The following SNX32 variants were observed in gnomAD, a reference collection of about 807,000 sequenced individuals.
SNX32 encodes the protein sorting nexin-32.
Under a neutral mutation model 57.0 loss-of-function variants are expected in SNX32, and 58 were observed. The ratio of observed to expected loss-of-function variants is 1.02; its 90% CI spans 0.82 to 1.27. The LOEUF (loss-of-function observed/expected upper bound fraction) is 1.27. Among genes scored for constraint, SNX32 ranks in the 50% most tolerant of loss-of-function variants. The probability of loss-of-function intolerance (pLI) is 0.00; values close to 1 mark genes in which losing one functional copy is unlikely to be tolerated. For missense variants in SNX32, 589 were observed against 541.2 expected (o/e 1.09, Z -0.88); for synonymous variants, 262 against 220.4 (o/e 1.19, Z -1.67).
At position 65,839,215 on chromosome 11, in the gene SNX32, A is replaced by ATTTTTTTTTTTTT. The variant is rs1555032605; in HGVS notation, c.36+5121_36+5122insTTTTTTTTTTTTT. Among the ~76,000 whole-genome samples, 22 of 19,526 alleles carry ATTTTTTTTTTTTT rather than the reference A, an allele frequency of 1.1e-3. 1 individual carries two copies. Among genetic ancestry groups the ATTTTTTTTTTTTT allele is most frequent in the Non-Finnish European group, 1.8e-3 (15 of 8,374 alleles). The allele number at this position is 19,526 out of a possible 152,430, so 12.8% of individuals were successfully genotyped here. On this transcript the variant is annotated intron_variant, in intron 1 of 12. Coordinates refer to ENST00000308342, the MANE Select transcript of SNX32 (RefSeq NM_152760.3). ...AGCTGTGCCCCACCACGCCCAGCTA[A>ATTTTTTTTTTTTT]TTTTTTTGTATTTTTTTTTTTTTTT...
intron 1 of SNX32, among the ~76,000 whole-genome samples, chr11:65,836,691 G>A (rs777388479): frequency 3.3e-5 from 5 of 152,272 alleles, no homozygotes; most frequent in Admixed American, 1.3e-4. Context: ...AGAAAATGTG[G>A]CACATATACA....
chr11:65,845,796 G>A (rs113181960), intron 1 of SNX32, among the ~76,000 whole-genome samples: 2 of 152,092 alleles, frequency 1.3e-5, no homozygotes, highest in African/African-American at 2.4e-5. Flanking sequence ...CCAAAAACTT[G>A]AAATAATCCA....
chr11:65,841,813 C>A (rs1205463111), intron 1 of SNX32, among the ~76,000 whole-genome samples: 1 of 151,890 alleles, frequency 6.6e-6, no homozygotes, highest in Non-Finnish European at 1.5e-5. Context: ...ATAAATCTCA[C>A]AGAAGACATG....
chr11:65,834,878 G>A (rs1250846345), intron 1 of SNX32, among the ~76,000 whole-genome samples: 1 of 151,200 alleles, frequency 6.6e-6, no homozygotes, highest in Non-Finnish European at 1.5e-5. Flanking sequence ...GTGTCTGTGT[G>A]TGTCTGTATC....
Position 65,839,423 on chromosome 11 carries a change from G to A in SNX32, c.36+5322G>A, listed in dbSNP as rs1452995652. Among the ~76,000 whole-genome samples the A allele has an allele frequency of 7.5e-4, 111 of 147,366 alleles. 1 individual carries two copies. The highest frequency in any genetic ancestry group is 9.7e-4 in the Non-Finnish European group (65 of 67,306). ...TTTTTGTATTTTTAGTAGAGACGGG[G>A]TTTCACCGTTTTAGCCGGGATGGTC... On this transcript the variant is annotated intron_variant, in intron 1 of 12. Coordinates refer to ENST00000308342, the MANE Select transcript of SNX32 (RefSeq NM_152760.3).
At chr11:65,853,221 G>T in intron 12 of SNX32, 61 bp from the exon 13 acceptor site, 1 of 1,611,812 alleles carries the variant, frequency 6.2e-7, no homozygotes, top group South Asian at 1.1e-5. Context: ...CTAAGGTGCA[G>T]AAAGAATGGC....
intron 11 of SNX32, 28 bp from the exon 12 acceptor site, chr11:65,852,845 T>A: frequency 6.2e-7 from 1 of 1,613,464 alleles, no homozygotes; most frequent in Non-Finnish European, 8.5e-7. Context: ...CCTGCCCGGA[T>A]CCCCATGCCT....
chr11:65,841,813 C>G (rs1205463111), intron 1 of SNX32, among the ~76,000 whole-genome samples: 1 of 151,890 alleles, frequency 6.6e-6, no homozygotes, highest in Non-Finnish European at 1.5e-5. Flanking sequence ...ATAAATCTCA[C>G]AGAAGACATG....
In SNX32 at chr11:65,851,412, TCCCCCCA is replaced by T. The variant is rs1565254514; in HGVS notation, c.785+14_785+20del. 2 of 1,613,488 alleles carry T rather than the reference TCCCCCCA, an allele frequency of 1.2e-6. No individual in the cohort carries two copies. The highest frequency in any genetic ancestry group is 1.7e-5 in the Admixed American group (1 of 59,964). ...GTCAACCAGCTAAGGACGTGAGGAC[TCCCCCCA>T]CCCCTACCCTCTCCCTGTGCCTGTA... On this transcript the variant is annotated intron_variant, in intron 8 of 12. Transcript: ENST00000308342.
At position 65,850,067 on chromosome 11, in the gene SNX32, C is replaced by CAGAG. The variant is rs1165229658; in HGVS notation, c.252+38_252+41dup. On this transcript the variant is annotated intron_variant, in intron 3 of 12. Coordinates refer to ENST00000308342, the MANE Select transcript of SNX32 (RefSeq NM_152760.3). ...CTGGGCAGGGGCTGGGAGGGACAGG[C>CAGAG]AGAGCACTTGGGTGAGGACCAAAGG... is the stretch of plus-strand genomic sequence containing the variant. The CAGAG allele has an allele frequency of 1.9e-6, 3 of 1,613,980 alleles. No individual in the cohort carries two copies. In the African/African-American group the frequency reaches 4.0e-5, roughly 22 times the overall value.
chr11:65,849,356 C>G, intron 1 of SNX32, 122 bp from the exon 2 acceptor site: 1 of 728,480 alleles, frequency 1.4e-6, no homozygotes, highest in Non-Finnish European at 2.3e-6. Flanking sequence ...CTCTGGTGAC[C>G]TGGGGCATTG....
intron 1 of SNX32, among the ~76,000 whole-genome samples, chr11:65,839,223 G>GTTTTGTT: frequency 4.3e-5 from 1 of 23,078 alleles, no homozygotes; most frequent in South Asian, 2.0e-3. Flanking sequence ...TAATTTTTTT[G>GTTTTGTT]TATTTTTTTT....
intron 1 of SNX32, among the ~76,000 whole-genome samples, chr11:65,848,227 G>C (rs1034503323): frequency 6.6e-6 from 1 of 152,116 alleles, no homozygotes; most frequent in African/African-American, 2.4e-5. Flanking sequence ...CAATGCTGAA[G>C]GGTAGAGTGA....
chr11:65,838,543 C>T (rs1319841144), intron 1 of SNX32, among the ~76,000 whole-genome samples: 1 of 152,006 alleles, frequency 6.6e-6, no homozygotes, highest in East Asian at 1.9e-4. Flanking sequence ...AATTCTAACA[C>T]AATTCTCAAC....
At chr11:65,839,227 T>TTTTTTTTTG (rs1858761673) in intron 1 of SNX32, among the ~76,000 whole-genome samples, 1 of 13,398 alleles carries the variant, frequency 7.5e-5, no homozygotes. Flanking sequence ...TTTTTTGTAT[T>TTTTTTTTTG]TTTTTTTTTT....
chr11:65,850,354 G>A, intron 4 of SNX32, 77 bp from the exon 5 acceptor site: 3 of 1,612,512 alleles, frequency 1.9e-6, no homozygotes, highest in Non-Finnish European at 2.5e-6. Flanking sequence ...TAGCAACCCT[G>A]ACCTCTGACC....
chr11:65,849,100 C>T (rs1407458722), intron 1 of SNX32, among the ~76,000 whole-genome samples: 5 of 152,188 alleles, frequency 3.3e-5, no homozygotes, highest in South Asian at 2.1e-4. Flanking sequence ...GCTGAGATCG[C>T]GCCACTGCAC....
chr11:65,851,221 T>C (rs954520337), intron 7 of SNX32, 61 bp downstream of exon 7: 76 of 1,594,120 alleles, frequency 4.8e-5, no homozygotes, highest in Non-Finnish European at 3.9e-5. Flanking sequence ...TTCAACTCCT[T>C]GGGGGAGAGA....
chr11:65,851,820 A>C, intron 9 of SNX32, 141 bp downstream of exon 9: 1 of 890,354 alleles, frequency 1.1e-6, no homozygotes, highest in Non-Finnish European at 1.8e-6. Flanking sequence ...TACACTCCAG[A>C]CTAGTTTAAC....
Sources: allele counts gnomAD v4.1 joint callset (sites outside exome capture counted in the v4.1 genomes callset), GRCh38; gene constraint gnomAD v4.1.1; transcripts MANE v1.5; gene names NCBI Gene and HGNC (gene_info 2026-07-23, HGNC 2026-07-21).